The following SLCO1C1 variants were observed in gnomAD, a reference collection of about 807,000 sequenced individuals.
The protein encoded by SLCO1C1 is OAT-RP-5.
Under a neutral mutation model 76.4 loss-of-function variants are expected in SLCO1C1, and 70 were observed. The observed-to-expected ratio is 0.92, with a 90% CI of 0.76 to 1.12. SLCO1C1 has a LOEUF of 1.12. Ranked by LOEUF, SLCO1C1 falls within the 50% of genes most tolerant of loss-of-function variation. The pLI is 0.00. For synonymous variants in SLCO1C1, 306 were observed against 286.1 expected (o/e 1.07, Z -0.70); for missense variants, 912 against 823.8 (o/e 1.11, Z -1.31).
rs182238291 is a variant in SLCO1C1 at position 20,748,223 on chromosome 12, C to T, written c.1799-2452C>T. Among the ~76,000 whole-genome samples, 6 of 152,238 alleles carry T rather than the reference C, an allele frequency of 3.9e-5. 1 individual carries two copies. The East Asian group carries it at 1.2e-3, about 29-fold the overall frequency. ...CTTTTTTAATCCATAGGCTTTACTT[C>T]CCTCTTTCTCTCCCATTTGTTGCGA... On this transcript the variant is annotated intron_variant, in intron 13 of 14. Coordinates refer to ENST00000266509, the MANE Select transcript of SLCO1C1 (RefSeq NM_017435.5).
intron 4 of SLCO1C1, among the ~76,000 whole-genome samples, chr12:20,710,136 T>G (rs1947000433): frequency 6.6e-6 from 1 of 151,554 alleles, no homozygotes; most frequent in East Asian, 1.9e-4. Flanking sequence ...TTTATCAACT[T>G]GAATATTTCA....
chr12:20,718,847 T>A (rs1384590703), intron 7 of SLCO1C1, among the ~76,000 whole-genome samples: 1 of 152,150 alleles, frequency 6.6e-6, no homozygotes, highest in Non-Finnish European at 1.5e-5. Context: ...ATATTTTTAC[T>A]CTAATGAACA....
At chr12:20,727,471 C>T (rs11045416) in intron 9 of SLCO1C1, among the ~76,000 whole-genome samples, 4,180 of 152,198 alleles carry the variant, frequency 0.027, 125 homozygotes, top group African/African-American at 0.074. Context: ...AGCATTTCTT[C>T]ATATCTTTGT....
chr12:20,740,333 C>G lies in SLCO1C1; in HGVS notation c.1698C>G (p.Ser566=). The part of the protein sequence containing the change: ...VISVITSYTL[S]LGGIPGYILL... Reference sequence around the variant, plus strand: ...CAGTCATCACATCCTATACTTTATCCCTAGGTGGCATACCTGGATACATAT... The same window carrying G: ...CAGTCATCACATCCTATACTTTATCGCTAGGTGGCATACCTGGATACATAT... The change falls in exon 12 of 15, where the codon TCC becomes TCG. Residue 566 remains serine, a synonymous_variant. Transcript: ENST00000266509. 1.2e-6 allele frequency: 2 copies of G among 1,613,486 alleles called. No individual in the cohort carries two copies. Among genetic ancestry groups the G allele is most frequent in the African/African-American group, 1.3e-5 (1 of 74,966 alleles).
chr12:20,752,126 C>T (rs1949334714), intron 14 of SLCO1C1, among the ~76,000 whole-genome samples, 180 bp from the exon 15 acceptor site: 3 of 152,210 alleles, frequency 2.0e-5, no homozygotes, highest in South Asian at 2.1e-4. Context: ...GCTACTAAGA[C>T]ATTGCTTTAT....
chr12:20,703,756 G>A (rs1159783835), intron 3 of SLCO1C1, among the ~76,000 whole-genome samples: 2 of 151,568 alleles, frequency 1.3e-5, no homozygotes, highest in African/African-American at 4.8e-5. Flanking sequence ...AACTGCGCTT[G>A]GTTGGGATAT....
chr12:20,750,934 A>G (rs543266467), intron 14 of SLCO1C1, 142 bp downstream of exon 14: 5 of 1,446,206 alleles, frequency 3.5e-6, no homozygotes, highest in African/African-American at 1.4e-5. Context: ...ATCTGTAGTC[A>G]TAGAATAATT....
chr12:20,738,470 A>G (rs1004189878), intron 11 of SLCO1C1, among the ~76,000 whole-genome samples: 1 of 152,166 alleles, frequency 6.6e-6, no homozygotes, highest in African/African-American at 2.4e-5. Flanking sequence ...CTGTATATCC[A>G]CAGATATACA....
chr12:20,737,043 TTTGAA>T, intron 10 of SLCO1C1, 59 bp from the exon 11 acceptor site: 5 of 1,346,678 alleles, frequency 3.7e-6, no homozygotes, highest in Non-Finnish European at 4.8e-6. Context: ...ACATTGATTT[TTTGAA>T]AATATTCGGG....
In SLCO1C1 at chr12:20,721,785, C is replaced by T. The variant is rs770125678; in HGVS notation, c.776-19C>T. On this transcript the variant is annotated intron_variant, in intron 7 of 14. Coordinates refer to ENST00000266509, the MANE Select transcript of SLCO1C1 (RefSeq NM_017435.5). The stretch of plus-strand genomic sequence containing the variant: ...AGCTTTGCTGTTTGTATTACTTAGC[C>T]ATCCCCTCTGTCTTTCAGATCACAT... 6.2e-7 allele frequency: 1 copy of T among 1,610,646 alleles called. No homozygotes were observed. Among genetic ancestry groups the T allele is most frequent in the Non-Finnish European group, 8.5e-7 (1 of 1,178,038 alleles).
intron 11 of SLCO1C1, among the ~76,000 whole-genome samples, chr12:20,739,569 A>G (rs895427851): frequency 1.3e-5 from 2 of 152,112 alleles, no homozygotes; most frequent in African/African-American, 4.8e-5. Flanking sequence ...GGATGTTTGG[A>G]AAGGGCAAAA....
intron 9 of SLCO1C1, among the ~76,000 whole-genome samples, chr12:20,725,478 T>C (rs1200542003): frequency 6.8e-6 from 1 of 146,808 alleles, no homozygotes; most frequent in South Asian, 2.1e-4. Context: ...ATAATAATGC[T>C]ATTATAAAAT....
chr12:20,698,775 A>G (rs1205644350), intron 1 of SLCO1C1, among the ~76,000 whole-genome samples: 3 of 152,078 alleles, frequency 2.0e-5, no homozygotes, highest in Non-Finnish European at 4.4e-5. Flanking sequence ...AGGTTAGATT[A>G]TCAGGCAGGC....
intron 5 of SLCO1C1, among the ~76,000 whole-genome samples, chr12:20,712,988 A>G (rs1947190141): frequency 1.3e-5 from 2 of 152,202 alleles, no homozygotes; most frequent in Admixed American, 6.5e-5. Flanking sequence ...ATAACAGATA[A>G]TAAATATGAT....
At chr12:20,740,884 A>G (rs1948787137) in intron 12 of SLCO1C1, among the ~76,000 whole-genome samples, 1 of 145,074 alleles carries the variant, frequency 6.9e-6, no homozygotes, top group African/African-American at 2.5e-5. Context: ...CTTTGGGTAA[A>G]TTGAGGCTCC....
At chr12:20,722,214 C>G (rs1947712816) in intron 8 of SLCO1C1, among the ~76,000 whole-genome samples, 165 bp downstream of exon 8, 3 of 152,206 alleles carry the variant, frequency 2.0e-5, no homozygotes, top group Admixed American at 1.3e-4. Context: ...CAACTGATTG[C>G]AGTACACGAC....
chr12:20,703,471 C>T (rs948359410), intron 3 of SLCO1C1, among the ~76,000 whole-genome samples: 5 of 151,806 alleles, frequency 3.3e-5, no homozygotes, highest in Non-Finnish European at 7.4e-5. Context: ...GAAGCATTTA[C>T]AATGGACATC....
intron 6 of SLCO1C1, among the ~76,000 whole-genome samples, chr12:20,716,802 A>G (rs1947379151): frequency 6.6e-6 from 1 of 152,246 alleles, no homozygotes; most frequent in Non-Finnish European, 1.5e-5. Flanking sequence ...AACTATCAAA[A>G]TTAATACAAT....
At position 20,706,057 on chromosome 12, in the gene SLCO1C1, C is replaced by G. The variant is rs1324185314; in HGVS notation, c.380C>G (p.Ala127Gly). ...ATGGGAGTTGGAACACTGCTCATTG[C>G]AATGCCTCAGTTCTTCATGGAGCAG... ...VIMGVGTLLI[A>G]MPQFFMEQYK... Residue 127 changes from alanine to glycine, a missense_variant, in exon 4 of 15, where the codon GCA becomes GGA. By Grantham distance (60) the Ala-to-Gly change is moderately conservative. Transcript: ENST00000266509. The G allele has an allele frequency of 1.2e-6, 2 of 1,612,838 alleles. No individual in the cohort carries two copies. Among genetic ancestry groups the G allele is most frequent in the South Asian group, 2.2e-5 (2 of 90,942 alleles).
Sources: allele counts gnomAD v4.1 joint callset (sites outside exome capture counted in the v4.1 genomes callset), GRCh38; gene constraint gnomAD v4.1.1; transcripts MANE v1.5; gene names NCBI Gene and HGNC (gene_info 2026-07-23, HGNC 2026-07-21).